Variants in BCL2L13 observed in about 807,000 individuals in gnomAD.
BCL2L13 encodes BCL2 like 13, also known as bcl-2-like protein 13.
BCL2L13 carries 13 observed loss-of-function variants against 25.8 expected under a neutral mutation model. The observed-to-expected ratio is 0.50, with a 90% CI of 0.33 to 0.80. The LOEUF is 0.80. Among genes scored for constraint, BCL2L13 ranks in the 30% least tolerant of loss-of-function variants. BCL2L13 has a pLI of 0.02. For synonymous variants in BCL2L13, 244 were observed against 230.3 expected (o/e 1.06, Z -0.54); for missense variants, 504 against 574.9 (o/e 0.88, Z 1.26).
chr22:17,645,444 A>C (rs1047331340), intron 1 of BCL2L13, among the ~76,000 whole-genome samples: 1 of 148,656 alleles, frequency 6.7e-6, no homozygotes, highest in Admixed American at 6.7e-5. Flanking sequence ...CTGGTCTCTA[A>C]CTCCTGGCCT....
At position 17,702,295 on chromosome 22, in the gene BCL2L13, G is replaced by T. The variant is rs770528843; in HGVS notation, c.509G>T (p.Arg170Leu). The T allele has an allele frequency of 6.2e-7, 1 of 1,611,686 alleles. No individual in the cohort carries two copies. Among genetic ancestry groups the T allele is most frequent in the Middle Eastern group, 1.6e-4 (1 of 6,062 alleles). The change falls in exon 6 of 7, where the codon CGT becomes CTT. Residue 170 changes from arginine to leucine, a missense_variant. Coordinates refer to ENST00000317582, the MANE Select transcript of BCL2L13 (RefSeq NM_015367.4). ...LRQMLLELTR[R>L]GQEPLSALLQ... is the part of the protein sequence containing the mutation. ...CAAATGCTTTTGGAATTGACAAGAC[G>T]TGGTCAAGAACCTTTGAGCGCACTG...
At chr22:17,706,700 T>A in intron 6 of BCL2L13, 2 of 1,351,064 alleles carry the variant, frequency 1.5e-6, no homozygotes, top group South Asian at 2.3e-5. Flanking sequence ...GACTGGTTCA[T>A]GTGCTGTGAT....
intron 2 of BCL2L13, among the ~76,000 whole-genome samples, chr22:17,679,576 G>A (rs143653050): frequency 2.6e-5 from 4 of 151,656 alleles, no homozygotes; most frequent in Middle Eastern, 3.4e-3. Flanking sequence ...GGCTGGTTTG[G>A]CTCTTTTTAT....
intron 5 of BCL2L13, among the ~76,000 whole-genome samples, chr22:17,699,465 C>T (rs554684200): frequency 2.6e-5 from 4 of 151,900 alleles, no homozygotes; most frequent in Non-Finnish European, 4.4e-5. Flanking sequence ...ACATAGTGTA[C>T]GAAGAGATGT....
At chr22:17,675,822 T>G (rs998862193) in intron 2 of BCL2L13, among the ~76,000 whole-genome samples, 4 of 152,210 alleles carry the variant, frequency 2.6e-5, no homozygotes, top group Non-Finnish European at 5.9e-5. Context: ...TATTAAGCCA[T>G]TCTCTCTAGC....
rs2060259241 is a variant in BCL2L13, at chr22:17,696,195, C to T, written c.441C>T (p.Ala147=). 1 of 1,613,730 alleles carries T rather than the reference C, an allele frequency of 6.2e-7. No individual in the cohort carries two copies. Among genetic ancestry groups the T allele is most frequent in the Non-Finnish European group, 8.5e-7 (1 of 1,179,678 alleles). ...GTACACTGGAGACCACAGTTCATGCCAGCGGCTGGAATAAGGTATCATCAC... is the reference window on the plus strand; with the variant it reads ...GTACACTGGAGACCACAGTTCATGCTAGCGGCTGGAATAAGGTATCATCAC... ...RECTLETTVH[A]SGWNKILVPL... The change falls in exon 5 of 7, where the codon GCC becomes GCT. Residue 147 remains alanine, a synonymous_variant. Coordinates refer to ENST00000317582, the MANE Select transcript of BCL2L13 (RefSeq NM_015367.4).
chr22:17,684,115 T>C lies in BCL2L13; in HGVS notation c.229+794T>C, dbSNP rs2059837753. ...AACATCTTACCCAATGATATAAATA[T>C]ATTTTTACAGCTTTATTGAGATATA... is the stretch of plus-strand genomic sequence containing the variant. On this transcript the variant is annotated intron_variant, in intron 3 of 6. Coordinates refer to ENST00000317582, the MANE Select transcript of BCL2L13 (RefSeq NM_015367.4). Among the ~76,000 whole-genome samples the C allele has an allele frequency of 3.9e-5, 6 of 152,172 alleles. No individual in the cohort carries two copies. In the South Asian group the frequency reaches 1.2e-3, roughly 32 times the overall value.
At chr22:17,671,745 C>T (rs962503052) in intron 2 of BCL2L13, among the ~76,000 whole-genome samples, 1 of 152,170 alleles carries the variant, frequency 6.6e-6, no homozygotes, top group Admixed American at 6.6e-5. Flanking sequence ...GTCTCACACT[C>T]TTTCCCAGGC....
chr22:17,699,248 A>G (rs1334967363), intron 5 of BCL2L13, among the ~76,000 whole-genome samples: 1 of 152,228 alleles, frequency 6.6e-6, no homozygotes, highest in Non-Finnish European at 1.5e-5. Flanking sequence ...TATGATTTTT[A>G]TTAGGACTGT....
At chr22:17,654,714 G>A (rs925328897) in intron 1 of BCL2L13, among the ~76,000 whole-genome samples, 2 of 151,126 alleles carry the variant, frequency 1.3e-5, no homozygotes, top group African/African-American at 4.9e-5. Flanking sequence ...GTGAGCCACC[G>A]CACCTGGCCT....
chr22:17,726,598 A>T, intron 6 of BCL2L13, 79 bp from the exon 7 acceptor site: 1 of 1,483,530 alleles, frequency 6.7e-7, no homozygotes, highest in Non-Finnish European at 9.1e-7. Context: ...AGTTTAGGAA[A>T]GAATTTGCTT....
intron 1 of BCL2L13, among the ~76,000 whole-genome samples, chr22:17,655,437 T>C (rs1171287068): frequency 1.3e-5 from 2 of 150,952 alleles, no homozygotes; most frequent in African/African-American, 2.4e-5. Flanking sequence ...TTTTTTTTTT[T>C]TTCTTTGAGA....
At position 17,689,063 on chromosome 22, in the gene BCL2L13, T is replaced by C. The variant is rs1374835342; in HGVS notation, c.307T>C (p.Cys103Arg). 98 of 1,614,098 alleles carry C rather than the reference T, an allele frequency of 6.1e-5. No individual in the cohort carries two copies. The highest frequency in any genetic ancestry group is 7.9e-5 in the Non-Finnish European group (93 of 1,180,030). Reference protein sequence around the residue: ...PANPESSMEDCLAHLGEKVSQ... With the variant: ...PANPESSMEDRLAHLGEKVSQ... Reference sequence around the variant, plus strand: ...CAATCCAGAAAGCTCAATGGAAGACTGCTTGGCCCATCTTGGAGAAAAAGT... The same window carrying C: ...CAATCCAGAAAGCTCAATGGAAGACCGCTTGGCCCATCTTGGAGAAAAAGT... Residue 103 changes from cysteine to arginine, a missense_variant, in exon 4 of 7, where the codon TGC becomes CGC. Physicochemically the swap from Cys to Arg is radical, Grantham distance 180. Coordinates refer to ENST00000317582, the MANE Select transcript of BCL2L13 (RefSeq NM_015367.4).
rs559607869 is a variant in BCL2L13 at position 17,727,068 on chromosome 22, C to T, written c.992C>T (p.Ala331Val). Reference protein sequence around the residue: ...EAAVASVVLPARELQEALPEA... With the variant: ...EAAVASVVLPVRELQEALPEA... The stretch of plus-strand genomic sequence containing the variant: ...GCTGTGGCTTCTGTGGTCTTGCCAG[C>T]GCGGGAGCTGCAAGAGGCACTTCCT... The change falls in exon 7 of 7, where the codon GCG (alanine) becomes GTG (valine). Residue 331 changes from alanine (A) to valine (V), a missense_variant. Physicochemically the swap from Ala to Val is moderately conservative, Grantham distance 64. Coordinates refer to ENST00000317582, the MANE Select transcript of BCL2L13 (RefSeq NM_015367.4). 404 of 1,614,206 alleles carry T rather than the reference C, an allele frequency of 2.5e-4. 8 individuals carry two copies. In the South Asian group the frequency reaches 4.0e-3, roughly 16 times the overall value.
At position 17,674,919 on chromosome 22, in the gene BCL2L13, TA is replaced by T. The variant is rs367945465; in HGVS notation, c.122-8288del. On this transcript the variant is annotated intron_variant, in intron 2 of 6. Coordinates refer to ENST00000317582, the MANE Select transcript of BCL2L13 (RefSeq NM_015367.4). ...ATAATGGAAAAATCCAAATAGTAAATAAAAAAATCAGGAGTAGGAAAATTGT... is the reference window on the plus strand; with the variant it reads ...ATAATGGAAAAATCCAAATAGTAAATAAAAAATCAGGAGTAGGAAAATTGT... Among the ~76,000 whole-genome samples, 863 of 151,950 alleles carry T rather than the reference TA, an allele frequency of 5.7e-3. 13 individuals are homozygous for T. The highest frequency in any genetic ancestry group is 0.02 in the African/African-American group (843 of 41,424).
At chr22:17,651,116 C>T (rs1434227822) in intron 1 of BCL2L13, among the ~76,000 whole-genome samples, 1 of 150,670 alleles carries the variant, frequency 6.6e-6, no homozygotes, top group Non-Finnish European at 1.5e-5. Flanking sequence ...TCTCCTGCCT[C>T]AGTCTTCCGA....
At position 17,728,091 on chromosome 22, in the gene BCL2L13, C is replaced by CGGCAGCGTCA; in HGVS notation, c.*558_*559insGCAGCGTCAG. 1 of 157,372 alleles carries CGGCAGCGTCA rather than the reference C, an allele frequency of 6.4e-6. No individual in the cohort carries two copies. The highest frequency in any genetic ancestry group is 5.9e-5 in the Admixed American group (1 of 16,872). 9.7% of individuals were successfully genotyped at this position (157,372 alleles called of 1,614,324 possible). On this transcript the variant is annotated 3_prime_UTR_variant, in exon 7 of 7. Transcript: ENST00000317582. ...AATCCCCTTAGAATTTCATCTTTCT[C>CGGCAGCGTCA]GATGAGCAGGCTCTGCACCCACTCT...
rs9989951 is a variant in BCL2L13 at position 17,726,545 on chromosome 22, G to A, written c.601-132G>A. ...GCCTACAAATACATGCATTCCATTCGGAAACTATGTAGGTTTAAACAGTGT... is the reference window on the plus strand; with the variant it reads ...GCCTACAAATACATGCATTCCATTCAGAAACTATGTAGGTTTAAACAGTGT... On this transcript the variant is annotated intron_variant, in intron 6 of 6. Coordinates refer to ENST00000317582, the MANE Select transcript of BCL2L13 (RefSeq NM_015367.4). The A allele has an allele frequency of 6.1e-3, 6,584 of 1,071,710 alleles. 162 individuals are homozygous for A. In the African/African-American group the frequency reaches 0.068, roughly 11 times the overall value. The allele number at this position is 1,071,710 out of a possible 1,614,324, so 66.4% of individuals were successfully genotyped here. A position where few individuals can be genotyped will look rare whatever the true frequency, so the allele number is the denominator to read the frequency against.
chr22:17,650,743 T>C (rs1353729810), intron 1 of BCL2L13, among the ~76,000 whole-genome samples: 1 of 152,178 alleles, frequency 6.6e-6, no homozygotes, highest in African/African-American at 2.4e-5. Context: ...GATCTTGCTC[T>C]GTCACCCAGG....
Sources: allele counts gnomAD v4.1 joint callset (sites outside exome capture counted in the v4.1 genomes callset), GRCh38; gene constraint gnomAD v4.1.1; transcripts MANE v1.5; gene names NCBI Gene and HGNC (gene_info 2026-07-23, HGNC 2026-07-21).